Variants in TMEM39B observed in about 807,000 individuals in gnomAD.
The protein encoded by TMEM39B is transmembrane protein 39B.
TMEM39B carries 23 observed loss-of-function variants against 52.2 expected under a neutral mutation model. The observed-to-expected ratio is 0.44, with a 90% CI of 0.32 to 0.62. The LOEUF is 0.62. TMEM39B is among the 20% of genes least tolerant of loss of function. The pLI, the probability that TMEM39B is intolerant of heterozygous loss-of-function variation, is 0.06. For missense variants in TMEM39B, 547 were observed against 642.0 expected, an observed-to-expected ratio of 0.85 and a Z score of 1.60; for synonymous variants, 285 against 264.0, an observed-to-expected ratio of 1.08 and a Z score of -0.77.
intron 4 of TMEM39B, 54 bp from the exon 5 acceptor site, chr1:32,077,110 G>A: frequency 3.7e-6 from 6 of 1,600,942 alleles, no homozygotes; most frequent in Middle Eastern, 1.7e-4. Context: ...TTTGGGCACA[G>A]CCCCTTCGGC....
chr1:32,075,866 G>GTGTGTGTGTA, intron 3 of TMEM39B, 44 bp downstream of exon 3: 2 of 1,267,634 alleles, frequency 1.6e-6, no homozygotes, highest in Non-Finnish European at 2.2e-6. Context: ...GTGTGTGTGC[G>GTGTGTGTGTA]TGTGTGTGTA....
At chr1:32,080,968 C>T (rs1402154140) in intron 5 of TMEM39B, among the ~76,000 whole-genome samples, 4 of 151,554 alleles carry the variant, frequency 2.6e-5, no homozygotes, top group Non-Finnish European at 4.4e-5. Context: ...GATTTGAGGC[C>T]GAAGTGAGCC....
chr1:32,079,054 C>G (rs1639982834), intron 5 of TMEM39B, among the ~76,000 whole-genome samples: 2 of 151,966 alleles, frequency 1.3e-5, no homozygotes, highest in Non-Finnish European at 2.9e-5. Flanking sequence ...ACATACGGGT[C>G]TGTCTCATTA....
chr1:32,090,249 A>G lies in TMEM39B; in HGVS notation c.591-1426A>G, dbSNP rs550229988. Among the ~76,000 whole-genome samples, 27 of 152,160 alleles carry G rather than the reference A, an allele frequency of 1.8e-4. 1 individual carries two copies. Among genetic ancestry groups the G allele is most frequent in the Admixed American group, 1.4e-3 (21 of 15,278 alleles). On this transcript the variant is annotated intron_variant, in intron 5 of 8. Transcript: ENST00000336294. Reference sequence around the variant, plus strand: ...TATGGGCCCATCTAGTTTTCTCCGCATACAATAGCAGCCACACACATAATT... The same window carrying G: ...TATGGGCCCATCTAGTTTTCTCCGCGTACAATAGCAGCCACACACATAATT...
intron 5 of TMEM39B, among the ~76,000 whole-genome samples, chr1:32,080,373 T>TGC (rs1640042861): frequency 6.6e-6 from 1 of 151,884 alleles, no homozygotes; most frequent in African/African-American, 2.4e-5. Flanking sequence ...GGTTAGAACT[T>TGC]AAGAGTTGCC....
chr1:32,077,713 A>C (rs1259166038), intron 5 of TMEM39B, among the ~76,000 whole-genome samples: 2 of 151,446 alleles, frequency 1.3e-5, no homozygotes, highest in African/African-American at 4.9e-5. Context: ...TATCTCCCTG[A>C]GTCTGTGTGC....
At chr1:32,099,419 A>C (rs569387375) in intron 7 of TMEM39B, among the ~76,000 whole-genome samples, 3 of 152,176 alleles carry the variant, frequency 2.0e-5, no homozygotes, top group African/African-American at 4.8e-5. Context: ...ATACATATGT[A>C]ACAAACCTGC....
At chr1:32,074,335 G>A (rs1340482330) in intron 1 of TMEM39B, among the ~76,000 whole-genome samples, 1 of 152,132 alleles carries the variant, frequency 6.6e-6, no homozygotes, top group Non-Finnish European at 1.5e-5. Context: ...GGGGCCCAAT[G>A]TGTACCAGAG....
At chr1:32,077,401 C>G in intron 5 of TMEM39B, 83 bp downstream of exon 5, 1 of 1,524,398 alleles carries the variant, frequency 6.6e-7, no homozygotes, top group South Asian at 1.2e-5. Flanking sequence ...CACCAGGCCT[C>G]CATATCTGGA....
chr1:32,078,122 A>G (rs1191145148), intron 5 of TMEM39B, among the ~76,000 whole-genome samples: 1 of 152,106 alleles, frequency 6.6e-6, no homozygotes, highest in Non-Finnish European at 1.5e-5. Context: ...TCTACCCTGC[A>G]TGTCCAAAAA....
intron 7 of TMEM39B, among the ~76,000 whole-genome samples, chr1:32,097,373 C>T (rs1640849830): frequency 6.6e-6 from 1 of 151,780 alleles, no homozygotes. Context: ...CTCTGTCACC[C>T]AGGCTGGAGT....
chr1:32,079,492 C>T (rs753196800), intron 5 of TMEM39B, among the ~76,000 whole-genome samples: 2 of 151,784 alleles, frequency 1.3e-5, no homozygotes, highest in Non-Finnish European at 2.9e-5. Flanking sequence ...CCAACCTGTT[C>T]TATTTCTAAC....
intron 1 of TMEM39B, chr1:32,073,794 A>T: frequency 1.0e-6 from 1 of 985,312 alleles, no homozygotes; most frequent in Non-Finnish European, 1.2e-6. Flanking sequence ...TTGGCTCCGA[A>T]GTGTGGGAAA....
chr1:32,082,247 C>T (rs916865272), intron 5 of TMEM39B, among the ~76,000 whole-genome samples: 3 of 152,028 alleles, frequency 2.0e-5, no homozygotes, highest in African/African-American at 7.2e-5. Flanking sequence ...TATCGTCAAG[C>T]TTGACATTCA....
At chr1:32,084,548 G>C (rs1447589994) in intron 5 of TMEM39B, among the ~76,000 whole-genome samples, 1 of 151,994 alleles carries the variant, frequency 6.6e-6, no homozygotes, top group Non-Finnish European at 1.5e-5. Context: ...TTGATAGTTT[G>C]GCTGAATGTA....
rs1468009880 is a variant in TMEM39B, at chr1:32,075,014, C to T, written c.68C>T (p.Ser23Leu). 3.0e-5 allele frequency: 46 copies of T among 1,551,444 alleles called. No homozygotes were observed. Among genetic ancestry groups the T allele is most frequent in the East Asian group, 1.2e-4 (5 of 40,926 alleles). ...CRNPLCEPGS[S>L]GGSSGSHTSS... Reference sequence around the variant, plus strand: ...AATCCGCTCTGTGAGCCGGGATCCTCGGGGGGCTCTAGTGGAAGCCACACT... The same window carrying T: ...AATCCGCTCTGTGAGCCGGGATCCTTGGGGGGCTCTAGTGGAAGCCACACT... Residue 23 changes from serine (S) to leucine (L), a missense_variant, in exon 2 of 9, where the codon TCG becomes TTG. Ser to Leu is a moderately radical substitution (Grantham distance 145). Coordinates refer to ENST00000336294, the MANE Select transcript of TMEM39B (RefSeq NM_018056.4).
Position 32,102,676 on chromosome 1 carries a change from C to T in TMEM39B, c.*3C>T. 3.2e-6 allele frequency: 5 copies of T among 1,545,954 alleles called. No individual in the cohort carries two copies. The highest frequency in any genetic ancestry group is 4.4e-6 in the Non-Finnish European group (5 of 1,143,154). ...ACCTGGACCACCGTTTCTCCTGAGC[C>T]CTGGGGTCACCTCAGGGACAGCGTC... On this transcript the variant is annotated 3_prime_UTR_variant, in exon 9 of 9. Transcript: ENST00000336294.
rs368329990 is a variant in TMEM39B at position 32,102,663 on chromosome 1, G to A, written c.1469G>A (p.Arg490His). Residue 490 changes from arginine (R) to histidine (H), a missense_variant, in exon 9 of 9, where the codon CGT becomes CAT. By Grantham distance (29) the Arg-to-His change is conservative (BLOSUM62 0). Transcript: ENST00000336294. ...SASPQRDLDH[R>H]FS is the part of the protein sequence containing the mutation. ...AGCCCCCAGAGAGACCTGGACCACC[G>A]TTTCTCCTGAGCCCTGGGGTCACCT... is the stretch of plus-strand genomic sequence containing the variant. The A allele has an allele frequency of 2.5e-5, 39 of 1,573,576 alleles. No individual in the cohort carries two copies. Among genetic ancestry groups the A allele is most frequent in the South Asian group, 3.5e-5 (3 of 84,818 alleles).
Position 32,100,496 on chromosome 1 carries a change from C to T in TMEM39B, c.1170C>T (p.Asn390=), listed in dbSNP as rs751272141. The change falls in exon 8 of 9, where the codon AAC becomes AAT. Residue 390 remains asparagine (N), a synonymous_variant. Coordinates refer to ENST00000336294, the MANE Select transcript of TMEM39B (RefSeq NM_018056.4). ...GCGTGCTGGTGAAGCACAGCAAGAA[C>T]GTCTACAAAGCCGTAGGCCACTACA... The part of the protein sequence containing the change: ...PQGVLVKHSK[N]VYKAVGHYNV... 4.8e-5 allele frequency: 78 copies of T among 1,613,066 alleles called. 1 individual carries two copies. The highest frequency in any genetic ancestry group is 2.6e-4 in the South Asian group (24 of 90,934).
Sources: gnomAD v4.1 joint callset for allele counts (sites outside exome capture counted in the v4.1 genomes callset) on GRCh38, gnomAD v4.1.1 for gene constraint, MANE v1.5 for transcripts, NCBI Gene and HGNC (gene_info 2026-07-23, HGNC 2026-07-21) for gene names.